Variants in PAX7 observed in about 807,000 individuals in gnomAD.
PAX7 encodes the protein paired box protein Pax-7.
In PAX7, 18 loss-of-function variants were observed where a neutral mutation model predicts 50.7. The observed-to-expected ratio is 0.36, with a 90% CI of 0.25 to 0.53. PAX7 has a LOEUF of 0.53. Ranked by LOEUF, PAX7 falls within the 20% of genes least tolerant of loss-of-function variation. PAX7 has a pLI of 0.93. For missense variants in PAX7, 644 were observed against 702.9 expected, an observed-to-expected ratio of 0.92 and a Z score of 0.95; for synonymous variants, 310 against 290.4, an observed-to-expected ratio of 1.07 and a Z score of -0.69.
intron 5 of PAX7, among the ~76,000 whole-genome samples, chr1:18,693,428 T>C (rs1204564727): frequency 1.3e-5 from 2 of 152,134 alleles, no homozygotes; most frequent in Non-Finnish European, 2.9e-5. Context: ...ACAAGCTGGA[T>C]GGGGGCTGAG....
At chr1:18,653,437 TTG>T (rs2088465199) in intron 4 of PAX7, among the ~76,000 whole-genome samples, 1 of 152,068 alleles carries the variant, frequency 6.6e-6, no homozygotes, top group African/African-American at 2.4e-5. Context: ...TGGCGTTGGT[TTG>T]TGGTTAGACT....
chr1:18,696,069 T>TC (rs199903168), intron 5 of PAX7, among the ~76,000 whole-genome samples: 9,749 of 148,222 alleles, frequency 0.066, 402 homozygotes, highest in African/African-American at 0.11. Flanking sequence ...TCTTTTCTTT[T>TC]TTTTTTTTTT....
intron 4 of PAX7, among the ~76,000 whole-genome samples, chr1:18,672,863 G>A (rs1250873492): frequency 1.3e-5 from 2 of 152,056 alleles, no homozygotes; most frequent in Non-Finnish European, 2.9e-5. Flanking sequence ...CTCAGCCTCC[G>A]AAAATGCTGG....
In PAX7 at chr1:18,748,731, A is replaced by G. The variant is rs851114; in HGVS notation, c.*3802A>G. The G allele has an allele frequency of 0.63, 144,733 of 230,086 alleles. 46,768 individuals are homozygous for G. Among genetic ancestry groups the G allele is most frequent in the African/African-American group, 0.81 (36,691 of 45,180 alleles). The allele number at this position is 230,086 out of a possible 1,614,324, so 14.3% of individuals were successfully genotyped here. ...GTGAGGTGTGTGTTTAAATATAATC[A>G]CACCATAATTTATTCAGCTATATGG... On this transcript the variant is annotated 3_prime_UTR_variant, in exon 9 of 9. Coordinates refer to ENST00000420770, the MANE Select transcript of PAX7 (RefSeq NM_001135254.2).
At position 18,736,834 on chromosome 1, in the gene PAX7, A is replaced by T. The variant is rs533649910; in HGVS notation, c.1402+956A>T. 1.9e-3 allele frequency among the ~76,000 whole-genome samples: 288 copies of T among 152,346 alleles called. 2 individuals carry two copies. Among genetic ancestry groups the T allele is most frequent in the African/African-American group, 6.7e-3 (280 of 41,582 alleles). The stretch of plus-strand genomic sequence containing the variant: ...TTAAATTAGTTCAAGTGAAATCGGC[A>T]TTTGAAATTCTGTTTCCCAGTCGCA... On this transcript the variant is annotated intron_variant, in intron 8 of 8. Transcript: ENST00000420770.
Position 18,707,268 on chromosome 1 carries a change from C to G in PAX7, c.1155+3972C>G, listed in dbSNP as rs183218937. On this transcript the variant is annotated intron_variant, in intron 7 of 8. Coordinates refer to ENST00000420770, the MANE Select transcript of PAX7 (RefSeq NM_001135254.2). ...TTAATACCAGTGTTGACAAGGACAG[C>G]TGAATTTTCTGGAGCCCTTCTGACT... 4.4e-3 allele frequency among the ~76,000 whole-genome samples: 676 copies of G among 152,222 alleles called. 11 individuals are homozygous for G. The highest frequency in any genetic ancestry group is 3.6e-3 in the Non-Finnish European group (246 of 68,008).
At chr1:18,680,221 T>C (rs574049304) in intron 4 of PAX7, among the ~76,000 whole-genome samples, 4 of 152,270 alleles carry the variant, frequency 2.6e-5, no homozygotes. Flanking sequence ...CCCTAGGGAA[T>C]AGGCAGGATG....
intron 5 of PAX7, among the ~76,000 whole-genome samples, chr1:18,697,547 T>G (rs745392665): frequency 6.6e-6 from 1 of 152,102 alleles, no homozygotes; most frequent in South Asian, 2.1e-4. Context: ...TAACAAAAAT[T>G]TTCCCATCTT....
intron 6 of PAX7, among the ~76,000 whole-genome samples, chr1:18,701,362 G>A (rs967044870): frequency 6.6e-6 from 1 of 152,024 alleles, no homozygotes; most frequent in African/African-American, 2.4e-5. Context: ...GAGTGTGTGC[G>A]TATGAGTGAG....
At chr1:18,693,953 G>A (rs1391822339) in intron 5 of PAX7, among the ~76,000 whole-genome samples, 1 of 152,210 alleles carries the variant, frequency 6.6e-6, no homozygotes, top group African/African-American at 2.4e-5. Flanking sequence ...GAGGCAGCCG[G>A]AGCCCAGGCA....
At chr1:18,653,729 G>A (rs2088470338) in intron 4 of PAX7, among the ~76,000 whole-genome samples, 1 of 151,934 alleles carries the variant, frequency 6.6e-6, no homozygotes, top group Non-Finnish European at 1.5e-5. Flanking sequence ...AGGAAACCAA[G>A]ACTTAGAGAG....
intron 7 of PAX7, among the ~76,000 whole-genome samples, chr1:18,729,039 C>T (rs1345147271): frequency 2.0e-5 from 3 of 152,146 alleles, no homozygotes; most frequent in African/African-American, 7.2e-5. Flanking sequence ...GATTCCAGAC[C>T]CCAGACCCTT....
At chr1:18,653,958 G>A (rs1237775371) in intron 4 of PAX7, among the ~76,000 whole-genome samples, 5 of 152,122 alleles carry the variant, frequency 3.3e-5, no homozygotes, top group Admixed American at 3.3e-4. Flanking sequence ...TCTCGTTCTG[G>A]TGTCTCAGCT....
chr1:18,737,505 G>A (rs1191345467), intron 8 of PAX7, among the ~76,000 whole-genome samples: 1 of 152,280 alleles, frequency 6.6e-6, no homozygotes, highest in Non-Finnish European at 1.5e-5. Flanking sequence ...GTGTTTGTGA[G>A]TACGTATGTT....
intron 4 of PAX7, among the ~76,000 whole-genome samples, chr1:18,686,148 C>T (rs2088972110): frequency 6.6e-6 from 1 of 152,224 alleles, no homozygotes; most frequent in African/African-American, 2.4e-5. Context: ...ACTGGAAAAT[C>T]CCCAGGACAA....
In PAX7 at chr1:18,691,944, G is replaced by A. The variant is rs150824825; in HGVS notation, c.777G>A (p.Ala259=). The A allele has an allele frequency of 2.1e-3, 3,362 of 1,613,184 alleles. 60 individuals carry two copies. In the South Asian group the frequency reaches 0.027, roughly 13 times the overall value. Reference sequence around the variant, plus strand: ...CGCAGAGGACCAAGCTGACAGAGGCGCGTGTGCAGGTGAGGAGGCACCTGC... The same window carrying A: ...CGCAGAGGACCAAGCTGACAGAGGCACGTGTGCAGGTGAGGAGGCACCTGC... ...ELAQRTKLTE[A]RVQVWFSNRR... The change falls in exon 5 of 9, where the codon GCG becomes GCA. Residue 259 remains alanine (A), a synonymous_variant. Coordinates refer to ENST00000420770, the MANE Select transcript of PAX7 (RefSeq NM_001135254.2).
chr1:18,744,863 C>T lies in PAX7; in HGVS notation c.1452C>T (p.Arg484=), dbSNP rs987739759. The T allele has an allele frequency of 6.4e-7, 1 of 1,558,794 alleles. No homozygotes were observed. ...ATGTGAGCCTCTCCACCCAGCGTCG[C>T]ATGAAGCTCGGGGAGCACTCTGCTG... The part of the protein sequence containing the change: ...AKNVSLSTQR[R]MKLGEHSAVL... Residue 484 remains arginine, a synonymous_variant, in exon 9 of 9, where the codon CGC becomes CGT. Coordinates refer to ENST00000420770, the MANE Select transcript of PAX7 (RefSeq NM_001135254.2).
intron 4 of PAX7, among the ~76,000 whole-genome samples, chr1:18,682,249 A>G (rs1026009524): frequency 1.3e-5 from 2 of 152,046 alleles, no homozygotes; most frequent in African/African-American, 2.4e-5. Context: ...TTGGAGTCAG[A>G]CAGAGCATAT....
At chr1:18,656,205 G>A (rs545962917) in intron 4 of PAX7, among the ~76,000 whole-genome samples, 42 of 152,172 alleles carry the variant, frequency 2.8e-4, no homozygotes, top group Non-Finnish European at 5.4e-4. Context: ...TAAAATGTAA[G>A]AGGCAAGTCC....
Sources: allele counts gnomAD v4.1 joint callset (sites outside exome capture counted in the v4.1 genomes callset), GRCh38; gene constraint gnomAD v4.1.1; transcripts MANE v1.5; gene names NCBI Gene and HGNC (gene_info 2026-07-23, HGNC 2026-07-21).